The following NHSL1 variants were observed in gnomAD, a reference collection of about 807,000 sequenced individuals.
The protein encoded by NHSL1 is NHS-like protein 1.
NHSL1 carries 48 observed loss-of-function variants against 95.0 expected under a neutral mutation model. That is an observed-to-expected ratio of 0.51 (90% CI 0.40 to 0.64). The LOEUF (loss-of-function observed/expected upper bound fraction) is 0.64, where lower values mean the gene tolerates loss of function less well. NHSL1 is among the 30% of genes least tolerant of loss of function. NHSL1 has a pLI of 0.00. For synonymous variants in NHSL1, 783 were observed against 833.9 expected (o/e 0.94, Z 1.05); for missense variants, 1,971 against 2,077.7 (o/e 0.95, Z 1.00).
intron 1 of NHSL1, among the ~76,000 whole-genome samples, chr6:138,592,660 C>T (rs987723286): frequency 6.6e-6 from 1 of 151,958 alleles, no homozygotes; most frequent in African/African-American, 2.4e-5. Flanking sequence ...CCTACATATC[C>T]AGAACTAAAG....
chr6:138,454,749 G>T (rs1213512842), intron 3 of NHSL1, among the ~76,000 whole-genome samples: 1 of 152,208 alleles, frequency 6.6e-6, no homozygotes, highest in Non-Finnish European at 1.5e-5. Flanking sequence ...GTGATCTTAG[G>T]CAAGTGATCT....
chr6:138,669,291 G>C (rs1369458385), intron 1 of NHSL1, among the ~76,000 whole-genome samples: 2 of 152,098 alleles, frequency 1.3e-5, no homozygotes, highest in Middle Eastern at 3.2e-3. Flanking sequence ...TGGAGAGAAT[G>C]GGGGAAGAGG....
chr6:138,461,345 A>C (rs74542382), intron 3 of NHSL1, among the ~76,000 whole-genome samples: 20,618 of 152,130 alleles, frequency 0.14, 1,426 homozygotes, highest in Middle Eastern at 0.17. Flanking sequence ...AAGGAGTCAG[A>C]CTGCTACAGA....
intron 1 of NHSL1, among the ~76,000 whole-genome samples, chr6:138,626,473 G>C (rs1013322795): frequency 6.6e-6 from 1 of 151,962 alleles, no homozygotes; most frequent in Non-Finnish European, 1.5e-5. Context: ...TATTAAGAAG[G>C]CATTTGCATC....
chr6:138,620,121 T>C (rs1366073825), intron 1 of NHSL1, among the ~76,000 whole-genome samples: 1 of 151,678 alleles, frequency 6.6e-6, no homozygotes, highest in Non-Finnish European at 1.5e-5. Flanking sequence ...ACATTTAAGA[T>C]GGAAACTAAA....
chr6:138,618,660 C>T (rs941844966), intron 1 of NHSL1, among the ~76,000 whole-genome samples: 12 of 151,928 alleles, frequency 7.9e-5, no homozygotes, highest in Non-Finnish European at 8.8e-5. Context: ...GAAATAAACA[C>T]CATTATGGAA....
chr6:138,562,747 A>G (rs1372948411), intron 1 of NHSL1, among the ~76,000 whole-genome samples: 1 of 152,104 alleles, frequency 6.6e-6, no homozygotes, highest in East Asian at 1.9e-4. Flanking sequence ...CCCTTCAACG[A>G]GAACTTTGTC....
chr6:138,532,222 C>G (rs1272873687), intron 1 of NHSL1, among the ~76,000 whole-genome samples: 1 of 152,132 alleles, frequency 6.6e-6, no homozygotes, highest in Non-Finnish European at 1.5e-5. Context: ...GAAGAGGCTA[C>G]TGAGAATTGA....
chr6:138,672,974 A>G (rs1785395386), intron 1 of NHSL1, among the ~76,000 whole-genome samples: 1 of 152,122 alleles, frequency 6.6e-6, no homozygotes. Context: ...CCGAGATCGC[A>G]CCACTGCACT....
intron 1 of NHSL1, among the ~76,000 whole-genome samples, chr6:138,624,640 C>T (rs1784711864): frequency 6.6e-6 from 1 of 152,280 alleles, no homozygotes; most frequent in Non-Finnish European, 1.5e-5. Context: ...CTGAGTGACA[C>T]TCAGATCACT....
At chr6:138,662,470 A>G (rs1785238995) in intron 1 of NHSL1, among the ~76,000 whole-genome samples, 1 of 152,214 alleles carries the variant, frequency 6.6e-6, no homozygotes, top group African/African-American at 2.4e-5. Context: ...TTGCAATTGT[A>G]TGGCAATAAA....
chr6:138,665,313 A>C (rs143320513), intron 1 of NHSL1, among the ~76,000 whole-genome samples: 119 of 152,356 alleles, frequency 7.8e-4, no homozygotes, highest in African/African-American at 2.7e-3. Flanking sequence ...AATCTATTTC[A>C]AAATATTCAT....
At chr6:138,589,122 G>A (rs1430754771) in intron 1 of NHSL1, among the ~76,000 whole-genome samples, 1 of 152,164 alleles carries the variant, frequency 6.6e-6, no homozygotes, top group Non-Finnish European at 1.5e-5. Context: ...AAAGGATCCT[G>A]CATCCAACTA....
intron 1 of NHSL1, among the ~76,000 whole-genome samples, chr6:138,506,486 T>C (rs1780969204): frequency 6.6e-6 from 1 of 152,216 alleles, no homozygotes. Context: ...AGATAAAACA[T>C]ATGATGTCCA....
intron 1 of NHSL1, among the ~76,000 whole-genome samples, chr6:138,625,165 A>G (rs1311276161): frequency 1.3e-5 from 2 of 152,110 alleles, no homozygotes; most frequent in Admixed American, 6.5e-5. Flanking sequence ...TTTTTTTGAG[A>G]CAGGGTCTTG....
At chr6:138,588,363 G>A (rs930672759) in intron 1 of NHSL1, among the ~76,000 whole-genome samples, 2 of 152,336 alleles carry the variant, frequency 1.3e-5, no homozygotes, top group African/African-American at 4.8e-5. Flanking sequence ...TGGGGAGGTT[G>A]AGGCAAGAGA....
chr6:138,441,854 G>T (rs1303556409), intron 5 of NHSL1, 129 bp downstream of exon 5: 1 of 793,994 alleles, frequency 1.3e-6, no homozygotes, highest in African/African-American at 1.8e-5. Context: ...ATTCAGGAAG[G>T]AAGCTGGCCC....
At chr6:138,466,496 C>A (rs1778390822) in intron 3 of NHSL1, among the ~76,000 whole-genome samples, 1 of 152,226 alleles carries the variant, frequency 6.6e-6, no homozygotes, top group African/African-American at 2.4e-5. Flanking sequence ...CTGAGTAAGG[C>A]CTATCCTTTT....
In NHSL1 at chr6:138,432,546, T is replaced by C. The variant is rs1775769016; in HGVS notation, c.1799A>G (p.Tyr600Cys). The change falls in exon 6 of 8, where the codon TAT becomes TGT. Residue 600 changes from tyrosine (Y) to cysteine (C), a missense_variant. Tyr to Cys is a radical substitution (Grantham distance 194). Transcript: ENST00000343505. This position sits in a 1 kb window ranked among gnomAD's most constrained non-coding sequence, Gnocchi z 4.4. ...ACAGTAGCCATCGTGGTCCTCAGAA[T>C]ACAGCGACCCAGCATCCTCTTTGTT... is the stretch of plus-strand genomic sequence containing the variant. ...TSNKEDAGSLYSEDHDGYCAS... is the reference protein window; with the variant it reads ...TSNKEDAGSLCSEDHDGYCAS... 20 of 1,552,148 alleles carry C rather than the reference T, an allele frequency of 1.3e-5. 1 individual carries two copies. Among genetic ancestry groups the C allele is most frequent in the Non-Finnish European group, 1.7e-5 (19 of 1,147,080 alleles).
Sources: allele counts gnomAD v4.1 joint callset (sites outside exome capture counted in the v4.1 genomes callset), GRCh38; gene constraint gnomAD v4.1.1; non-coding constraint Gnocchi (gnomAD v3.1); transcripts MANE v1.5; gene names NCBI Gene and HGNC (gene_info 2026-07-23, HGNC 2026-07-21).